The following THRB variants were observed in gnomAD, a reference collection of about 807,000 sequenced individuals.
The protein encoded by THRB is thyroid hormone receptor beta.
A neutral mutation model predicts 47.8 loss-of-function variants in THRB; 12 were observed. The observed-to-expected ratio is 0.25, with a 90% CI of 0.16 to 0.41. The LOEUF (loss-of-function observed/expected upper bound fraction) is 0.41, where lower values mean the gene tolerates loss of function less well. Ranked by LOEUF, THRB falls within the 10% of genes least tolerant of loss-of-function variation. THRB has a pLI of 1.00. For missense variants in THRB, 348 were observed against 589.2 expected (o/e 0.59, Z 4.24); for synonymous variants, 218 against 212.2 (o/e 1.03, Z -0.24).
intron 1 of THRB, among the ~76,000 whole-genome samples, chr3:24,464,586 T>C (rs1393598531): frequency 3.3e-5 from 5 of 152,210 alleles, no homozygotes; most frequent in African/African-American, 1.2e-4. Flanking sequence ...TCTTTCTTTT[T>C]AAGCTGAAGA....
rs184650992 is a variant in THRB at position 24,183,470 on chromosome 3, C to T, written c.283+6604G>A. Among the ~76,000 whole-genome samples, 414 of 149,612 alleles carry T rather than the reference C, an allele frequency of 2.8e-3. 6 individuals carry two copies. The highest frequency in any genetic ancestry group is 9.8e-3 in the African/African-American group (398 of 40,460). On this transcript the variant is annotated intron_variant, in intron 5 of 10. Coordinates refer to ENST00000646209, the MANE Select transcript of THRB (RefSeq NM_001354712.2). ...CAACCTCTGCCTCCTGGGTTCCAAG[C>T]GCTTCTCCTGCCTCGGCCTCCTGAG... is the stretch of plus-strand genomic sequence containing the variant.
intron 1 of THRB, among the ~76,000 whole-genome samples, chr3:24,466,738 A>G (rs968090263): frequency 7.2e-5 from 11 of 152,324 alleles, no homozygotes; most frequent in African/African-American, 2.6e-4. Flanking sequence ...TAATGTATAT[A>G]CCTTAATGTA....
chr3:24,192,549 T>A (rs2043470154), intron 4 of THRB, among the ~76,000 whole-genome samples: 1 of 152,034 alleles, frequency 6.6e-6, no homozygotes, highest in African/African-American at 2.4e-5. Context: ...CCCACAGAAA[T>A]TAAGAAAAAC....
At chr3:24,371,183 C>A (rs1577150271) in intron 1 of THRB, among the ~76,000 whole-genome samples, 1 of 152,004 alleles carries the variant, frequency 6.6e-6, no homozygotes, top group African/African-American at 2.4e-5. Context: ...GGCAGACATC[C>A]AAACTGACAA....
chr3:24,303,503 C>A (rs1260525321), intron 2 of THRB, among the ~76,000 whole-genome samples: 1 of 152,162 alleles, frequency 6.6e-6, no homozygotes, highest in African/African-American at 2.4e-5. Flanking sequence ...GTGAGCATGC[C>A]CGATTATCAT....
intron 3 of THRB, among the ~76,000 whole-genome samples, chr3:24,279,712 G>T (rs571784668): frequency 6.6e-6 from 1 of 152,136 alleles, no homozygotes; most frequent in Admixed American, 6.5e-5. Context: ...ATGAGTTCTT[G>T]TTCTACTTTT....
intron 1 of THRB, among the ~76,000 whole-genome samples, chr3:24,392,701 T>G (rs940557671): frequency 3.3e-5 from 5 of 152,162 alleles, no homozygotes; most frequent in Non-Finnish European, 7.4e-5. Flanking sequence ...ACTGACTGCA[T>G]TTCAAAATCA....
At chr3:24,224,298 G>A (rs962562586) in intron 4 of THRB, among the ~76,000 whole-genome samples, 2 of 152,078 alleles carry the variant, frequency 1.3e-5, no homozygotes, top group African/African-American at 4.8e-5. Context: ...TATGTTAATA[G>A]CCTAATAATC....
intron 8 of THRB, among the ~76,000 whole-genome samples, chr3:24,136,843 G>T (rs1401106880): frequency 6.6e-6 from 1 of 152,170 alleles, no homozygotes; most frequent in Non-Finnish European, 1.5e-5. Flanking sequence ...CCAGCTGTCT[G>T]CTCTATGTCT....
intron 1 of THRB, among the ~76,000 whole-genome samples, chr3:24,443,963 C>A (rs1472561773): frequency 6.6e-6 from 1 of 152,102 alleles, no homozygotes; most frequent in African/African-American, 2.4e-5. Context: ...ATTATATTCT[C>A]CTCATGGATG....
At chr3:24,272,005 T>C (rs893005596) in intron 3 of THRB, among the ~76,000 whole-genome samples, 2 of 152,184 alleles carry the variant, frequency 1.3e-5, no homozygotes, top group Middle Eastern at 3.2e-3. Context: ...CATTAATAAT[T>C]TAGCTCCATA....
At chr3:24,371,066 G>T (rs2064869392) in intron 1 of THRB, among the ~76,000 whole-genome samples, 1 of 152,096 alleles carries the variant, frequency 6.6e-6, no homozygotes, top group African/African-American at 2.4e-5. Context: ...GAAACCAGCA[G>T]GCAACAGAGC....
Position 24,122,628 on chromosome 3 carries a change from G to T in THRB, c.*256C>A. 2 of 521,988 alleles carry T rather than the reference G, an allele frequency of 3.8e-6. No homozygotes were observed. Among genetic ancestry groups the T allele is most frequent in the Non-Finnish European group, 6.9e-6 (2 of 289,506 alleles). 32.3% of individuals were successfully genotyped at this position (521,988 alleles called of 1,614,324 possible). On this transcript the variant is annotated 3_prime_UTR_variant, in exon 11 of 11. Coordinates refer to ENST00000646209, the MANE Select transcript of THRB (RefSeq NM_001354712.2). ...TGATGCTTGGTGCTGGTGAGTTAAT[G>T]ATTGTCCCCCACCCCACCTCCACAA...
chr3:24,350,582 T>C (rs1254875988), intron 1 of THRB, among the ~76,000 whole-genome samples: 1 of 152,180 alleles, frequency 6.6e-6, no homozygotes, highest in Admixed American at 6.5e-5. Context: ...TAGGCCATTA[T>C]ATACAGTTCA....
chr3:24,267,866 T>A (rs540753340), intron 3 of THRB, among the ~76,000 whole-genome samples: 1 of 152,300 alleles, frequency 6.6e-6, no homozygotes, highest in East Asian at 1.9e-4. Flanking sequence ...CCCATCCCAA[T>A]GGTCCTGAAG....
chr3:24,179,208 G>A lies in THRB; in HGVS notation c.283+10866C>T, dbSNP rs536751732. Among the ~76,000 whole-genome samples, 10 of 152,242 alleles carry A rather than the reference G, an allele frequency of 6.6e-5. No individual in the cohort carries two copies. In the South Asian group the frequency reaches 1.7e-3, roughly 25 times the overall value. On this transcript the variant is annotated intron_variant, in intron 5 of 10. Transcript: ENST00000646209. ...TCCTCACCTCAACTCCCCCTCCAAG[G>A]GGGTGGCAGGAAGGATAATTTGTAA...
chr3:24,488,099 C>T (rs1697575609), intron 1 of THRB, among the ~76,000 whole-genome samples: 1 of 152,196 alleles, frequency 6.6e-6, no homozygotes, highest in African/African-American at 2.4e-5. Flanking sequence ...ACAAACATTC[C>T]TGAGCCTCCA....
intron 4 of THRB, among the ~76,000 whole-genome samples, chr3:24,208,404 C>A (rs1255585795): frequency 6.6e-6 from 1 of 152,076 alleles, no homozygotes; most frequent in Non-Finnish European, 1.5e-5. Flanking sequence ...AATCCTAAGC[C>A]AAAAGAACAA....
intron 1 of THRB, among the ~76,000 whole-genome samples, chr3:24,359,241 A>G (rs2063907491): frequency 6.6e-6 from 1 of 152,138 alleles, no homozygotes; most frequent in Non-Finnish European, 1.5e-5. Flanking sequence ...GGCTTCACCC[A>G]CTTGCATGAC....
Sources: allele counts gnomAD v4.1 joint callset (sites outside exome capture counted in the v4.1 genomes callset), GRCh38; gene constraint gnomAD v4.1.1; transcripts MANE v1.5; gene names NCBI Gene and HGNC (gene_info 2026-07-23, HGNC 2026-07-21).